The following PIK3CD variants were observed in gnomAD, a reference collection of about 807,000 sequenced individuals.
The protein encoded by PIK3CD is phosphatidylinositol 4,5-bisphosphate 3-kinase catalytic subunit delta isoform.
Under a neutral mutation model 122.9 loss-of-function variants are expected in PIK3CD, and 20 were observed. The observed-to-expected ratio is 0.16, with a 90% CI of 0.11 to 0.24. The LOEUF (loss-of-function observed/expected upper bound fraction) is 0.24, where lower values mean the gene tolerates loss of function less well. Ranked by LOEUF, PIK3CD falls within the 10% of genes least tolerant of loss-of-function variation. PIK3CD has a pLI of 1.00. For synonymous variants in PIK3CD, 596 were observed against 593.4 expected, an observed-to-expected ratio of 1.00 and a Z score of -0.06; for missense variants, 787 against 1,406.3, an observed-to-expected ratio of 0.56 and a Z score of 7.04.
the PIK3CD span, among the ~76,000 whole-genome samples, chr1:9,632,340 G>T: frequency 2.0e-5 from 3 of 152,060 alleles, no homozygotes; most frequent in African/African-American, 7.2e-5. Context: ...AAGACAGAGG[G>T]TCTCAACTAT....
rs573582785 is a variant in PIK3CD at position 9,718,448 on chromosome 1, T to A, written c.1021-246T>A. On this transcript the variant is annotated intron_variant, in intron 8 of 23. Transcript: ENST00000377346. The surrounding 1 kb of genome is among the most constrained non-coding windows in gnomAD (Gnocchi z 7.2). ...TGAGGCCTGGAGTGGGGAATGGACA[T>A]GCCCCGAGGTCCCCAGAGTTGGGGT... Among the ~76,000 whole-genome samples the A allele has an allele frequency of 1.3e-5, 2 of 152,140 alleles. No homozygotes were observed. Among genetic ancestry groups the A allele is most frequent in the East Asian group, 3.9e-4 (2 of 5,172 alleles).
At chr1:9,630,080 G>C in the PIK3CD span, among the ~76,000 whole-genome samples, 1 of 152,202 alleles carries the variant, frequency 6.6e-6, no homozygotes, top group South Asian at 2.1e-4. Flanking sequence ...CTGGCCCACG[G>C]GGGGAGCAGA....
chr1:9,690,032 C>A (rs1190209968), intron 1 of PIK3CD, among the ~76,000 whole-genome samples: 1 of 152,210 alleles, frequency 6.6e-6, no homozygotes, highest in Non-Finnish European at 1.5e-5. Context: ...ATCCGTGAGG[C>A]CTCCAGCGGG....
At chr1:9,658,211 C>A (rs1300352088) in intron 1 of PIK3CD, among the ~76,000 whole-genome samples, 1 of 151,714 alleles carries the variant, frequency 6.6e-6, no homozygotes, top group African/African-American at 2.4e-5. Context: ...AGTAAGACCC[C>A]CATCTCTGCA....
chr1:9,721,794 C>A lies in PIK3CD; in HGVS notation c.1989C>A (p.Arg663=), dbSNP rs1648711280. Residue 663 remains arginine, a synonymous_variant, in exon 16 of 24, where the codon CGC becomes CGA. Coordinates refer to ENST00000377346, the MANE Select transcript of PIK3CD (RefSeq NM_005026.5). ...TGCACGTGCCGTCGGTGGCCCTGCG[C>A]TTCGGCCTCATCCTGGAGGCCTACT... is the stretch of plus-strand genomic sequence containing the variant. ...SEMHVPSVAL[R]FGLILEAYCR... 1 of 1,613,278 alleles carries A rather than the reference C, an allele frequency of 6.2e-7. No individual in the cohort carries two copies. Among genetic ancestry groups the A allele is most frequent in the African/African-American group, 1.3e-5 (1 of 75,050 alleles).
chr1:9,632,058 G>A, the PIK3CD span, among the ~76,000 whole-genome samples: 1 of 150,742 alleles, frequency 6.6e-6, no homozygotes, highest in African/African-American at 2.5e-5. Context: ...TGTTGCCCAG[G>A]CTAGAGTGCA....
chr1:9,632,309 GCTT>G, the PIK3CD span, among the ~76,000 whole-genome samples: 2 of 152,070 alleles, frequency 1.3e-5, no homozygotes, highest in South Asian at 2.1e-4. Context: ...ACCGCACCTG[GCTT>G]CTTCTTTCTT....
chr1:9,677,658 A>AG (rs1645587954), intron 1 of PIK3CD, among the ~76,000 whole-genome samples: 1 of 151,820 alleles, frequency 6.6e-6, no homozygotes, highest in South Asian at 2.1e-4. Context: ...AAAAAAAAAA[A>AG]AAAAAAATTA....
chr1:9,635,135 C>T, the PIK3CD span, among the ~76,000 whole-genome samples: 4 of 152,048 alleles, frequency 2.6e-5, no homozygotes, highest in African/African-American at 7.2e-5. Flanking sequence ...CTTAGCCAGG[C>T]GTGGTGGTGC....
the PIK3CD span, among the ~76,000 whole-genome samples, chr1:9,644,509 T>G: frequency 7.6e-5 from 11 of 143,812 alleles, no homozygotes; most frequent in African/African-American, 2.9e-4. Flanking sequence ...CGAGGAAGAC[T>G]CCGTCTCAAA....
At chr1:9,665,830 T>G (rs1645142163) in intron 1 of PIK3CD, among the ~76,000 whole-genome samples, 1 of 152,106 alleles carries the variant, frequency 6.6e-6, no homozygotes, top group Non-Finnish European at 1.5e-5. Context: ...CTCCACTCAC[T>G]GCGACCTCCG....
In PIK3CD at chr1:9,716,023, C is replaced by T; in HGVS notation, c.545C>T (p.Thr182Ile). 1 of 1,612,670 alleles carries T rather than the reference C, an allele frequency of 6.2e-7. No individual in the cohort carries two copies. The highest frequency in any genetic ancestry group is 8.5e-7 in the Non-Finnish European group (1 of 1,179,956). The change falls in exon 5 of 24, where the codon ACC (threonine) becomes ATC (isoleucine). Residue 182 changes from threonine (T) to isoleucine (I), a missense_variant. This residue lies in a region of PIK3CD where 592 missense variants were observed against 920.6 expected (regional missense o/e 0.64). Coordinates refer to ENST00000377346, the MANE Select transcript of PIK3CD (RefSeq NM_005026.5). ...TCGGCTCAAACCTGGGGGCCTGGTA[C>T]CCTGCGGCTCCCGAACCGGGCCCTT... ...EPSAQTWGPGTLRLPNRALLV... is the reference protein window; with the variant it reads ...EPSAQTWGPGILRLPNRALLV...
the PIK3CD span, among the ~76,000 whole-genome samples, chr1:9,643,353 A>C: frequency 1.3e-5 from 2 of 151,348 alleles, no homozygotes; most frequent in East Asian, 3.9e-4. Flanking sequence ...GGTTGCAGTA[A>C]GCTAAGATCA....
At chr1:9,697,582 T>TA (rs1646468766) in intron 2 of PIK3CD, among the ~76,000 whole-genome samples, 1 of 151,964 alleles carries the variant, frequency 6.6e-6, no homozygotes, top group South Asian at 2.1e-4. Context: ...AGTTTTTTTT[T>TA]AATTAGCTGG....
At position 9,720,271 on chromosome 1, in the gene PIK3CD, G is replaced by A; in HGVS notation, c.1470+29G>A. On this transcript the variant is annotated intron_variant, in intron 11 of 23. Coordinates refer to ENST00000377346, the MANE Select transcript of PIK3CD (RefSeq NM_005026.5). The surrounding 1 kb of genome is among the most constrained non-coding windows in gnomAD (Gnocchi z 9.0). ...AGTGGGGGCCCCGCCGCGTGAGGCT[G>A]AGGGGCTGGCGCGGAGCTCTCCTGG... The A allele has an allele frequency of 6.3e-7, 1 of 1,594,614 alleles. No individual in the cohort carries two copies. The highest frequency in any genetic ancestry group is 1.7e-5 in the Admixed American group (1 of 59,458).
At chr1:9,701,234 C>T (rs963064685) in intron 2 of PIK3CD, among the ~76,000 whole-genome samples, 9 of 152,090 alleles carry the variant, frequency 5.9e-5, no homozygotes, top group African/African-American at 2.2e-4. Flanking sequence ...ACCCCCTGCT[C>T]CAGCTGTAGT....
At position 9,727,558 on chromosome 1, in the gene PIK3CD, C is replaced by G. The variant is rs963463402; in HGVS notation, c.*512C>G. 8.3e-6 allele frequency: 2 copies of G among 240,410 alleles called. No homozygotes were observed. The highest frequency in any genetic ancestry group is 4.5e-5 in the African/African-American group (2 of 44,514). 14.9% of individuals were successfully genotyped at this position (240,410 alleles called of 1,614,324 possible). ...TCAGGGATGCTTGCTCTCCACTTTT[C>G]AAGTGGGTCTTGGGTACGAGAATTC... On this transcript the variant is annotated 3_prime_UTR_variant, in exon 24 of 24. Transcript: ENST00000377346.
Position 9,725,953 on chromosome 1 carries a change from C to T in PIK3CD, c.2998-956C>T, listed in dbSNP as rs117764535. ...GGCTGGGCATGGTGGCTCATGCCTC[C>T]GTAATCCCAGCACTTTGGGAGGCTG... On this transcript the variant is annotated intron_variant, in intron 23 of 23. Coordinates refer to ENST00000377346, the MANE Select transcript of PIK3CD (RefSeq NM_005026.5). 5.9e-3 allele frequency among the ~76,000 whole-genome samples: 891 copies of T among 151,554 alleles called. 13 individuals carry two copies. The highest frequency in any genetic ancestry group is 0.044 in the East Asian group (229 of 5,158).
chr1:9,644,598 TGATA>T, the PIK3CD span, among the ~76,000 whole-genome samples: 1 of 152,140 alleles, frequency 6.6e-6, no homozygotes, highest in African/African-American at 2.4e-5. Flanking sequence ...TTCAAGTTCC[TGATA>T]GAATCGGCTG....
Sources: gnomAD v4.1 joint callset for allele counts (sites outside exome capture counted in the v4.1 genomes callset) on GRCh38, gnomAD v4.1.1 for gene constraint, gnomAD v4.1.1 regional missense constraint, Gnocchi (gnomAD v3.1) non-coding constraint, MANE v1.5 for transcripts, NCBI Gene and HGNC (gene_info 2026-07-23, HGNC 2026-07-21) for gene names.